Variants in ACTA2 observed in about 807,000 individuals in gnomAD.
ACTA2 encodes the protein actin alpha 2, smooth muscle.
A neutral mutation model predicts 39.5 loss-of-function variants in ACTA2; 12 were observed. The observed-to-expected ratio is 0.30, with a 90% CI of 0.19 to 0.49. The LOEUF (loss-of-function observed/expected upper bound fraction) is 0.49, where lower values mean the gene tolerates loss of function less well. ACTA2 is among the 20% of genes least tolerant of loss of function. The pLI is 0.99. For missense variants in ACTA2, 236 were observed against 498.8 expected, an observed-to-expected ratio of 0.47 and a Z score of 5.02; for synonymous variants, 158 against 180.6, an observed-to-expected ratio of 0.88 and a Z score of 1.00.
At chr10:88,938,307 C>T in intron 7 of ACTA2, 65 bp from the exon 8 acceptor site, 3 of 1,560,186 alleles carry the variant, frequency 1.9e-6, no homozygotes, top group Non-Finnish European at 2.7e-6. Context: ...ACATGGAAGA[C>T]CAGACTTGAA....
intron 1 of ACTA2, among the ~76,000 whole-genome samples, chr10:88,965,343 A>G (rs919358850): frequency 1.3e-5 from 2 of 152,180 alleles, no homozygotes; most frequent in Non-Finnish European, 2.9e-5. Flanking sequence ...CCCAAACCTT[A>G]AAAGAGCTGT....
At chr10:88,951,588 C>T (rs777544644) in intron 1 of ACTA2, among the ~76,000 whole-genome samples, 1 of 152,112 alleles carries the variant, frequency 6.6e-6, no homozygotes, top group Non-Finnish European at 1.5e-5. Flanking sequence ...ACTGTGTCCC[C>T]GGAAAGAGTC....
At chr10:88,947,513 T>A in intron 2 of ACTA2, 127 bp from the exon 3 acceptor site, 1 of 1,409,192 alleles carries the variant, frequency 7.1e-7, no homozygotes, top group Non-Finnish European at 9.9e-7. Context: ...ACAATAAACA[T>A]ATTGAGTCTC....
At chr10:88,939,392 T>C in intron 7 of ACTA2, 115 bp downstream of exon 7, 2 of 1,386,570 alleles carry the variant, frequency 1.4e-6, no homozygotes, top group Non-Finnish European at 2.0e-6. Context: ...TTTTCTGGTT[T>C]AGAAATGCTT....
In ACTA2 at chr10:88,941,800, A is replaced by G. The variant is rs1481930896; in HGVS notation, c.439T>C (p.Ser147Pro). Residue 147 changes from serine to proline, a missense_variant, in exon 5 of 9, where the codon TCT (serine) becomes CCT (proline). By Grantham distance (74) the Ser-to-Pro change is moderately conservative. Coordinates refer to ENST00000224784, the MANE Select transcript of ACTA2 (RefSeq NM_001613.4). ...AIQAVLSLYA[S>P]GRTTGIVLDS... ...AGCCACCTACCAGTTGTGCGTCCAG[A>G]GGCATAGAGAGACAGCACCGCCTGG... 1 of 1,612,536 alleles carries G rather than the reference A, an allele frequency of 6.2e-7. No homozygotes were observed. The highest frequency in any genetic ancestry group is 1.7e-5 in the Admixed American group (1 of 59,886).
At chr10:88,982,696 A>C (rs978974717) in intron 1 of ACTA2, among the ~76,000 whole-genome samples, 1 of 152,146 alleles carries the variant, frequency 6.6e-6, no homozygotes, top group Non-Finnish European at 1.5e-5. Context: ...AAATGTATTT[A>C]TGTAGTCAAG....
At chr10:88,969,290 T>C (rs1322765611) in intron 1 of ACTA2, among the ~76,000 whole-genome samples, 1 of 152,188 alleles carries the variant, frequency 6.6e-6, no homozygotes, top group East Asian at 1.9e-4. Flanking sequence ...CTCTTTAGTG[T>C]CAATTTTCCA....
intron 1 of ACTA2, 51 bp downstream of exon 1, chr10:88,952,680 A>G (rs1427225436): frequency 2.6e-5 from 4 of 152,250 alleles, no homozygotes; most frequent in Admixed American, 2.6e-4. Flanking sequence ...CCGGGTAATT[A>G]AAAGAGCCAC....
chr10:88,982,865 T>C (rs1471768221), intron 1 of ACTA2, among the ~76,000 whole-genome samples: 1 of 152,176 alleles, frequency 6.6e-6, no homozygotes, highest in African/African-American at 2.4e-5. Flanking sequence ...AATAATAATA[T>C]AACTGGCCAA....
In ACTA2 at chr10:88,960,835, T is replaced by C. The variant is rs147140562; in HGVS notation, c.-23-11882A>G. Among the ~76,000 whole-genome samples the C allele has an allele frequency of 2.3e-3, 352 of 152,304 alleles. 2 individuals are homozygous for C. The highest frequency in any genetic ancestry group is 8.2e-3 in the African/African-American group (339 of 41,560). ...CCTTGAACTAGTAACAAAGCTATCT[T>C]ACCAAGGGGAAATTGTTTTACTATT... On this transcript the variant is annotated intron_variant, in intron 1 of 4. Transcript: ENST00000415557.
chr10:88,959,115 G>A (rs1238250738), intron 1 of ACTA2, among the ~76,000 whole-genome samples: 1 of 152,164 alleles, frequency 6.6e-6, no homozygotes, highest in Non-Finnish European at 1.5e-5. Flanking sequence ...GTAACTACTA[G>A]CCACATGTGA....
At chr10:88,959,472 CTCTT>C (rs753276118) in intron 1 of ACTA2, among the ~76,000 whole-genome samples, 29 of 152,170 alleles carry the variant, frequency 1.9e-4, no homozygotes, top group Non-Finnish European at 7.3e-5. Flanking sequence ...AAAGCTGACT[CTCTT>C]TCCCCTTAAA....
At chr10:88,951,483 A>G (rs1168700508) in intron 1 of ACTA2, among the ~76,000 whole-genome samples, 2 of 149,878 alleles carry the variant, frequency 1.3e-5, no homozygotes, top group South Asian at 2.1e-4. Context: ...ATGCAGAAAA[A>G]TGTTTTTTAC....
chr10:88,966,476 C>T (rs1214421412), intron 1 of ACTA2, among the ~76,000 whole-genome samples: 1 of 152,120 alleles, frequency 6.6e-6, no homozygotes, highest in Non-Finnish European at 1.5e-5. Flanking sequence ...ATCCTGTCTA[C>T]CTCTAACAAT....
chr10:88,989,859 A>C (rs1248049168), intron 1 of ACTA2, among the ~76,000 whole-genome samples: 2 of 152,222 alleles, frequency 1.3e-5, no homozygotes, highest in Non-Finnish European at 2.9e-5. Flanking sequence ...ACTGCATCCA[A>C]ATTCAGGTTC....
intron 1 of ACTA2, among the ~76,000 whole-genome samples, chr10:88,950,850 TTAAAA>T (rs1425675039): frequency 6.6e-6 from 1 of 152,218 alleles, no homozygotes; most frequent in African/African-American, 2.4e-5. Context: ...TTTAAAGTGT[TTAAAA>T]TAATTTATAG....
rs12775501 is a variant in ACTA2, at chr10:88,991,152, C to T, written c.-237G>A. ...CTTGGGCCTTGATGCGAAGTGCTGA[C>T]CCCGCTGGGCAGGCGGGGCAGCTCC... On this transcript the variant is annotated 5_prime_UTR_variant, in exon 1 of 5. Coordinates refer to the ACTA2 transcript ENST00000415557. 222,614 of 602,490 alleles carry T rather than the reference C, an allele frequency of 0.37. 42,817 individuals are homozygous for T. The highest frequency in any genetic ancestry group is 0.5 in the East Asian group (18,086 of 36,032). The allele number at this position is 602,490 out of a possible 1,614,324, so 37.3% of individuals were successfully genotyped here.
At chr10:88,959,848 G>A (rs771059602) in intron 1 of ACTA2, among the ~76,000 whole-genome samples, 15 of 152,114 alleles carry the variant, frequency 9.9e-5, no homozygotes, top group Non-Finnish European at 1.5e-5. Flanking sequence ...TGACAGTTTT[G>A]AGGAGTATTG....
At chr10:88,950,066 T>TGCTCTCATTTTCAC (rs2133276857) in intron 1 of ACTA2, among the ~76,000 whole-genome samples, 1 of 152,306 alleles carries the variant, frequency 6.6e-6, no homozygotes, top group Admixed American at 6.5e-5. Context: ...GACATTTTCA[T>TGCTCTCATTTTCAC]CCAATGCTCT....
Sources: allele counts gnomAD v4.1 joint callset (sites outside exome capture counted in the v4.1 genomes callset), GRCh38; gene constraint gnomAD v4.1.1; transcripts MANE v1.5; gene names NCBI Gene and HGNC (gene_info 2026-07-23, HGNC 2026-07-21).